Variants in KCNT2 observed in about 807,000 individuals in gnomAD.
KCNT2 encodes potassium sodium-activated channel subfamily T member 2, also known as potassium channel subfamily T member 2.
Under a neutral mutation model 153.8 loss-of-function variants are expected in KCNT2, and 67 were observed. The observed-to-expected ratio is 0.44, with a 90% confidence interval of 0.36 to 0.53. The LOEUF is 0.53. KCNT2 is among the 20% of genes least tolerant of loss of function. KCNT2 has a pLI of 0.00. For synonymous variants in KCNT2, 500 were observed against 458.8 expected (o/e 1.09, Z -1.15); for missense variants, 975 against 1,354.8 (o/e 0.72, Z 4.40).
At chr1:196,251,059 T>C (rs1433186051) in intron 26 of KCNT2, among the ~76,000 whole-genome samples, 2 of 152,028 alleles carry the variant, frequency 1.3e-5, no homozygotes, top group African/African-American at 4.8e-5. Flanking sequence ...AGGAGAACAG[T>C]TGAGAGCTTC....
chr1:196,592,163 A>G lies in KCNT2; in HGVS notation c.95+16052T>C, dbSNP rs542700939. 1.7e-3 allele frequency among the ~76,000 whole-genome samples: 264 copies of G among 152,200 alleles called. 2 individuals are homozygous for G. Among genetic ancestry groups the G allele is most frequent in the South Asian group, 0.011 (52 of 4,830 alleles). On this transcript the variant is annotated intron_variant, in intron 1 of 27. Coordinates refer to ENST00000294725, the MANE Select transcript of KCNT2 (RefSeq NM_198503.5). ...TAAAGAAAATGTGGTACATATACAC[A>G]ATGGTGTACTATTCAGCCATAAAAA...
intron 8 of KCNT2, among the ~76,000 whole-genome samples, chr1:196,447,116 T>A (rs1347686513): frequency 6.6e-6 from 1 of 151,580 alleles, no homozygotes; most frequent in Non-Finnish European, 1.5e-5. Context: ...TTTCTTTCCA[T>A]CTTCAATGAA....
At chr1:196,427,565 C>T (rs1205750080) in intron 10 of KCNT2, among the ~76,000 whole-genome samples, 1 of 151,888 alleles carries the variant, frequency 6.6e-6, no homozygotes, top group Non-Finnish European at 1.5e-5. Context: ...CTTCTTAATT[C>T]ATATTCTCAA....
At chr1:196,334,665 T>G (rs894734845) in intron 16 of KCNT2, among the ~76,000 whole-genome samples, 9 of 151,940 alleles carry the variant, frequency 5.9e-5, no homozygotes, top group Non-Finnish European at 1.2e-4. Context: ...ATACTTATTT[T>G]GTATTAAATG....
At chr1:196,385,308 C>G (rs1019090183) in intron 13 of KCNT2, among the ~76,000 whole-genome samples, 2 of 151,972 alleles carry the variant, frequency 1.3e-5, no homozygotes, top group African/African-American at 4.8e-5. Context: ...TACAGCATAC[C>G]ACTGTACTGA....
At chr1:196,544,563 C>T (rs762233773) in intron 1 of KCNT2, among the ~76,000 whole-genome samples, 2 of 152,002 alleles carry the variant, frequency 1.3e-5, no homozygotes, top group Non-Finnish European at 1.5e-5. Context: ...TTGTTTTACT[C>T]GTAAATGGGA....
At chr1:196,395,253 T>C (rs1670834066) in intron 13 of KCNT2, among the ~76,000 whole-genome samples, 2 of 151,620 alleles carry the variant, frequency 1.3e-5, no homozygotes, top group Non-Finnish European at 3.0e-5. Context: ...GAGTTTCGTA[T>C]CAAGGCTATG....
At chr1:196,367,140 T>G (rs1668109283) in intron 14 of KCNT2, among the ~76,000 whole-genome samples, 1 of 152,180 alleles carries the variant, frequency 6.6e-6, no homozygotes, top group Non-Finnish European at 1.5e-5. Flanking sequence ...TTTACTGAGA[T>G]AAATTTCTTT....
chr1:196,390,003 C>A (rs2148407099), intron 13 of KCNT2, among the ~76,000 whole-genome samples: 1 of 151,452 alleles, frequency 6.6e-6, no homozygotes, highest in East Asian at 1.9e-4. Flanking sequence ...TTTAGAGTTT[C>A]ATTTTGTACA....
chr1:196,285,948 T>G (rs919747859), intron 22 of KCNT2, among the ~76,000 whole-genome samples, 190 bp from the exon 23 acceptor site: 1 of 152,094 alleles, frequency 6.6e-6, no homozygotes, highest in Non-Finnish European at 1.5e-5. Flanking sequence ...TTTTCTCAGT[T>G]AAAACACCCA....
rs869080667 is a variant in KCNT2, at chr1:196,593,311, T to TACACACACAC, written c.95+14894_95+14903dup. On this transcript the variant is annotated intron_variant, in intron 1 of 27. Coordinates refer to ENST00000294725, the MANE Select transcript of KCNT2 (RefSeq NM_198503.5). Reference sequence around the variant, plus strand: ...CATATATATAATATATATATATATATACACACACACACACACACACACACA... The same window carrying TACACACACAC: ...CATATATATAATATATATATATATATACACACACACACACACACACACACACACACACACA... 2.7e-3 allele frequency among the ~76,000 whole-genome samples: 377 copies of TACACACACAC among 140,206 alleles called. 1 individual carries two copies. Among genetic ancestry groups the TACACACACAC allele is most frequent in the African/African-American group, 7.3e-3 (260 of 35,740 alleles). 92.0% of individuals were successfully genotyped at this position (140,206 alleles called of 152,430 possible).
chr1:196,383,861 C>G (rs778526281), intron 13 of KCNT2, among the ~76,000 whole-genome samples: 2 of 152,142 alleles, frequency 1.3e-5, no homozygotes, highest in Non-Finnish European at 2.9e-5. Flanking sequence ...TGGCATGAGT[C>G]TGAATCCCTT....
At chr1:196,360,617 C>A (rs1667534698) in intron 14 of KCNT2, among the ~76,000 whole-genome samples, 1 of 151,960 alleles carries the variant, frequency 6.6e-6, no homozygotes, top group Admixed American at 6.6e-5. Context: ...CTATTACAAT[C>A]TGACTGGTGT....
intron 1 of KCNT2, among the ~76,000 whole-genome samples, chr1:196,498,413 A>G (rs905988321): frequency 1.3e-5 from 2 of 152,100 alleles, no homozygotes; most frequent in Admixed American, 6.5e-5. Context: ...ACTTCTTACT[A>G]CCAAGTGCTT....
At chr1:196,592,691 ATATG>A (rs201957959) in intron 1 of KCNT2, among the ~76,000 whole-genome samples, 43,262 of 146,118 alleles carry the variant, frequency 0.3, 6,602 homozygotes, top group Admixed American at 0.39. Context: ...ATCTGATTAT[ATATG>A]TATGTATATA....
At chr1:196,533,703 T>C (rs1655215191) in intron 1 of KCNT2, among the ~76,000 whole-genome samples, 2 of 152,168 alleles carry the variant, frequency 1.3e-5, no homozygotes, top group Admixed American at 1.3e-4. Context: ...TCAATAATTC[T>C]TATGTCTTCT....
At chr1:196,333,196 C>A (rs1484870037) in intron 17 of KCNT2, among the ~76,000 whole-genome samples, 1 of 151,544 alleles carries the variant, frequency 6.6e-6, no homozygotes, top group African/African-American at 2.4e-5. Flanking sequence ...ACTCCACAGT[C>A]AAGCCTGTGG....
chr1:196,343,103 G>C (rs910302995), intron 14 of KCNT2: 5 of 152,196 alleles, frequency 3.3e-5, no homozygotes, highest in Admixed American at 3.3e-4. Context: ...CCAGCCTTCA[G>C]AACTGTAAGA....
chr1:196,523,411 G>A (rs1358066652), intron 1 of KCNT2, among the ~76,000 whole-genome samples: 1 of 152,130 alleles, frequency 6.6e-6, no homozygotes, highest in Non-Finnish European at 1.5e-5. Context: ...AATTAAGAAG[G>A]AATTTAAAGC....
Sources: gnomAD v4.1 joint callset for allele counts (sites outside exome capture counted in the v4.1 genomes callset) on GRCh38, gnomAD v4.1.1 for gene constraint, MANE v1.5 for transcripts, NCBI Gene and HGNC (gene_info 2026-07-23, HGNC 2026-07-21) for gene names.